The following SKAP2 variants were observed in gnomAD, a reference collection of about 807,000 sequenced individuals.
The protein encoded by SKAP2 is src kinase associated phosphoprotein 2.
Under a neutral mutation model 54.9 loss-of-function variants are expected in SKAP2, and 28 were observed. The ratio of observed to expected loss-of-function variants is 0.51; its 90% confidence interval spans 0.38 to 0.70. The LOEUF (loss-of-function observed/expected upper bound fraction) is 0.70, where lower values mean the gene tolerates loss of function less well. Ranked by LOEUF, SKAP2 falls within the 30% of genes least tolerant of loss-of-function variation. The probability of loss-of-function intolerance (pLI) is 0.00; values close to 1 mark genes in which losing one functional copy is unlikely to be tolerated. For synonymous variants in SKAP2, 137 were observed against 134.3 expected, an observed-to-expected ratio of 1.02 and a Z score of -0.14; for missense variants, 356 against 424.1, an observed-to-expected ratio of 0.84 and a Z score of 1.41.
intron 4 of SKAP2, among the ~76,000 whole-genome samples, chr7:26,825,008 C>A (rs981071598): frequency 6.6e-5 from 10 of 152,186 alleles, no homozygotes; most frequent in Admixed American, 3.3e-4. Context: ...CTTTTTAAAG[C>A]CCCCTTGAAA....
At chr7:26,689,262 G>A (rs1254576013) in intron 10 of SKAP2, among the ~76,000 whole-genome samples, 1 of 152,108 alleles carries the variant, frequency 6.6e-6, no homozygotes, top group Non-Finnish European at 1.5e-5. Context: ...CTTTTTGCAA[G>A]ACACAGAGAT....
chr7:26,772,864 C>T (rs1406117142), intron 4 of SKAP2, among the ~76,000 whole-genome samples: 2 of 152,108 alleles, frequency 1.3e-5, no homozygotes, highest in Admixed American at 1.3e-4. Context: ...TTCATAGAAT[C>T]TGGAATATTT....
chr7:26,767,472 T>C (rs1023416013), intron 4 of SKAP2, among the ~76,000 whole-genome samples: 1 of 152,228 alleles, frequency 6.6e-6, no homozygotes, highest in African/African-American at 2.4e-5. Flanking sequence ...CCTTCCGTTC[T>C]GCTCTGGTCT....
chr7:26,766,432 C>T (rs978847278), intron 4 of SKAP2, among the ~76,000 whole-genome samples: 22 of 152,312 alleles, frequency 1.4e-4, no homozygotes, highest in African/African-American at 3.8e-4. Flanking sequence ...GACAATTTTA[C>T]TTCCTCTCTT....
At chr7:26,702,744 T>C (rs1022685320) in intron 9 of SKAP2, among the ~76,000 whole-genome samples, 1 of 152,180 alleles carries the variant, frequency 6.6e-6, no homozygotes, top group Non-Finnish European at 1.5e-5. Context: ...ATGAAAGGGA[T>C]CAAGCACATA....
intron 9 of SKAP2, among the ~76,000 whole-genome samples, chr7:26,703,945 T>C (rs1787103572): frequency 6.6e-6 from 1 of 152,246 alleles, no homozygotes; most frequent in South Asian, 2.1e-4. Flanking sequence ...ACAGTTTTTC[T>C]TCCCTTTGGG....
intron 4 of SKAP2, among the ~76,000 whole-genome samples, chr7:26,774,467 G>A (rs1008646714): frequency 1.3e-5 from 2 of 151,868 alleles, no homozygotes; most frequent in African/African-American, 4.8e-5. Context: ...ACTGAAATGC[G>A]AAGTGTCAGT....
At chr7:26,683,065 T>C (rs1051461896) in intron 11 of SKAP2, among the ~76,000 whole-genome samples, 2 of 152,190 alleles carry the variant, frequency 1.3e-5, no homozygotes, top group African/African-American at 2.4e-5. Context: ...AGGAGTATAA[T>C]AGCTATATGC....
intron 4 of SKAP2, among the ~76,000 whole-genome samples, chr7:26,825,170 A>G (rs1039638518): frequency 6.6e-5 from 10 of 152,206 alleles, no homozygotes; most frequent in Non-Finnish European, 1.5e-4. Flanking sequence ...CCGAGGGTCA[A>G]ATAAGTAAGT....
At chr7:26,661,717 C>T in the SKAP2 span, among the ~76,000 whole-genome samples, 4 of 152,130 alleles carry the variant, frequency 2.6e-5, no homozygotes, top group Admixed American at 2.0e-4. Flanking sequence ...AATAATAATA[C>T]CAAGGGCTCA....
intron 4 of SKAP2, among the ~76,000 whole-genome samples, chr7:26,819,226 G>A (rs1272008742): frequency 2.0e-5 from 3 of 152,134 alleles, no homozygotes; most frequent in Non-Finnish European, 2.9e-5. Flanking sequence ...TATACACCAT[G>A]CAATACTATG....
intron 4 of SKAP2, among the ~76,000 whole-genome samples, 187 bp from the exon 5 acceptor site, chr7:26,740,151 T>TAAAAA (rs60264987): frequency 7.7e-6 from 1 of 129,850 alleles, no homozygotes; most frequent in African/African-American, 2.8e-5. Flanking sequence ...GTCTCAAAAG[T>TAAAAA]AAAAAAAAAA....
At chr7:26,675,500 A>G in intron 11 of SKAP2, among the ~76,000 whole-genome samples, 1 of 152,224 alleles carries the variant, frequency 6.6e-6, no homozygotes, top group East Asian at 1.9e-4. Context: ...AATAAAGTAC[A>G]AACTCATTAA....
At chr7:26,727,556 AG>A (rs1787734842) in intron 6 of SKAP2, among the ~76,000 whole-genome samples, 1 of 152,186 alleles carries the variant, frequency 6.6e-6, no homozygotes, top group Non-Finnish European at 1.5e-5. Context: ...AAAGATGTGA[AG>A]GAAAAAAAAA....
chr7:26,716,261 G>C (rs1481072568), intron 9 of SKAP2, among the ~76,000 whole-genome samples: 1 of 152,224 alleles, frequency 6.6e-6, no homozygotes, highest in South Asian at 2.1e-4. Flanking sequence ...TTAAGAACTT[G>C]TCAAATTAGT....
At chr7:26,837,611 C>T (rs1784741698) in intron 4 of SKAP2, among the ~76,000 whole-genome samples, 1 of 152,074 alleles carries the variant, frequency 6.6e-6, no homozygotes, top group African/African-American at 2.4e-5. Flanking sequence ...ATCCAAACAC[C>T]CCCCAACAGG....
chr7:26,819,872 T>C (rs1382098932), intron 4 of SKAP2, among the ~76,000 whole-genome samples: 1 of 151,964 alleles, frequency 6.6e-6, no homozygotes, highest in African/African-American at 2.4e-5. Context: ...AAGGAGCAAG[T>C]AGAGCAAGTA....
chr7:26,734,693 G>A (rs1422564424), intron 6 of SKAP2, among the ~76,000 whole-genome samples: 2 of 152,140 alleles, frequency 1.3e-5, no homozygotes, highest in East Asian at 1.9e-4. Context: ...CCTTGTTGCT[G>A]CATCCCCCAG....
chr7:26,853,716 C>T (rs1400519522), intron 3 of SKAP2, among the ~76,000 whole-genome samples: 1 of 152,122 alleles, frequency 6.6e-6, no homozygotes, highest in East Asian at 1.9e-4. Context: ...AAAAACATTA[C>T]CTGTGAGCAC....
Sources: allele counts gnomAD v4.1 joint callset (sites outside exome capture counted in the v4.1 genomes callset), GRCh38; gene constraint gnomAD v4.1.1; transcripts MANE v1.5; gene names NCBI Gene and HGNC (gene_info 2026-07-23, HGNC 2026-07-21).